Variants in TOMM70 observed in about 807,000 individuals in gnomAD.
The protein encoded by TOMM70 is translocase of outer mitochondrial membrane 70.
A neutral mutation model predicts 73.6 loss-of-function variants in TOMM70; 13 were observed. That is an observed-to-expected ratio of 0.18 (90% CI 0.11 to 0.28). The LOEUF is 0.28. Among genes scored for constraint, TOMM70 ranks in the 10% least tolerant of loss-of-function variants. TOMM70 has a pLI of 1.00. For synonymous variants in TOMM70, 257 were observed against 271.2 expected (o/e 0.95, Z 0.51); for missense variants, 609 against 747.5 (o/e 0.81, Z 2.16).
chr3:100,373,698 T>C, intron 7 of TOMM70, 53 bp from the exon 8 acceptor site: 2 of 1,243,330 alleles, frequency 1.6e-6, no homozygotes, highest in South Asian at 2.5e-5. Flanking sequence ...GTTAAGTATG[T>C]TCAGTGTCTC....
At position 100,401,014 on chromosome 3, in the gene TOMM70, G is replaced by A. The variant is rs1170374666; in HGVS notation, c.-65C>T. The A allele has an allele frequency of 4.1e-6, 6 of 1,465,620 alleles. No homozygotes were observed. Among genetic ancestry groups the A allele is most frequent in the Admixed American group, 2.0e-5 (1 of 49,352 alleles). The allele number at this position is 1,465,620 out of a possible 1,614,324, so 90.8% of individuals were successfully genotyped here. On this transcript the variant is annotated 5_prime_UTR_variant, in exon 1 of 12. Transcript: ENST00000284320. ...GCGCCACAATCACCAAACAGCGTGCGAAGGAAGACCGAGGGAGGGAAGGAA... is the reference window on the plus strand; with the variant it reads ...GCGCCACAATCACCAAACAGCGTGCAAAGGAAGACCGAGGGAGGGAAGGAA...
At position 100,368,176 on chromosome 3, in the gene TOMM70, C is replaced by A; in HGVS notation, c.1551-10G>T. The A allele has an allele frequency of 6.2e-7, 1 of 1,604,076 alleles. No homozygotes were observed. The highest frequency in any genetic ancestry group is 8.5e-7 in the Non-Finnish European group (1 of 1,176,570). On this transcript the variant is annotated splice_polypyrimidine_tract_variant and intron_variant, in intron 10 of 11. Transcript: ENST00000284320. ...CTGAAGTTGAAGTAAACTGCAAATG[C>A]AAAAAAATGTCAGATGTGACCATGG...
chr3:100,377,386 T>C (rs191058826), intron 6 of TOMM70: 8 of 229,216 alleles, frequency 3.5e-5, no homozygotes, highest in Admixed American at 2.5e-4. Flanking sequence ...ACTGACAGCA[T>C]TATCTACAGA....
intron 6 of TOMM70, among the ~76,000 whole-genome samples, chr3:100,376,906 T>A (rs1370416518): frequency 1.3e-5 from 2 of 152,186 alleles, no homozygotes; most frequent in African/African-American, 2.4e-5. Context: ...ATATATCAGT[T>A]GTAATCATCA....
chr3:100,371,763 G>A (rs1485600806), intron 9 of TOMM70, among the ~76,000 whole-genome samples: 3 of 152,186 alleles, frequency 2.0e-5, no homozygotes, highest in Non-Finnish European at 2.9e-5. Context: ...GTAGGAGGAG[G>A]AGGGATGGTT....
At position 100,368,107 on chromosome 3, in the gene TOMM70, G is replaced by T; in HGVS notation, c.1610C>A (p.Ala537Asp). ...ATCACATTTATTGTCAATTTCAATAGCCTTGCTGATAAGTTCCAAACCTCT... is the reference window on the plus strand; with the variant it reads ...ATCACATTTATTGTCAATTTCAATATCCTTGCTGATAAGTTCCAAACCTCT... ...LDRGLELISKAIEIDNKCDFA... is the reference protein window; with the variant it reads ...LDRGLELISKDIEIDNKCDFA... The change falls in exon 11 of 12, where the codon GCT (alanine) becomes GAT (aspartate). Residue 537 changes from alanine (A) to aspartate (D), a missense_variant. Around this residue, in one of 2 missense-constraint regions of TOMM70, gnomAD observed 432 missense variants for 584.1 expected, o/e 0.74. Transcript: ENST00000284320. The T allele has an allele frequency of 6.2e-7, 1 of 1,613,844 alleles. No individual in the cohort carries two copies. Among genetic ancestry groups the T allele is most frequent in the Non-Finnish European group, 8.5e-7 (1 of 1,179,926 alleles).
rs1381910704 is a variant in TOMM70, at chr3:100,378,952, A to G, written c.885-1040T>C. Among the ~76,000 whole-genome samples, 5 of 152,202 alleles carry G rather than the reference A, an allele frequency of 3.3e-5. 1 individual carries two copies. The highest frequency in any genetic ancestry group is 1.2e-4 in the African/African-American group (5 of 41,454). Reference sequence around the variant, plus strand: ...AACCCGGGAGGCGGAGCTTGCAGTGAGCTGAGATCGCGCCACTACACTCCA... The same window carrying G: ...AACCCGGGAGGCGGAGCTTGCAGTGGGCTGAGATCGCGCCACTACACTCCA... On this transcript the variant is annotated intron_variant, in intron 5 of 11. Coordinates refer to ENST00000284320, the MANE Select transcript of TOMM70 (RefSeq NM_014820.5).
intron 1 of TOMM70, among the ~76,000 whole-genome samples, chr3:100,398,560 T>G (rs1393552664): frequency 6.6e-6 from 1 of 152,202 alleles, no homozygotes; most frequent in Admixed American, 6.5e-5. Flanking sequence ...CCAAAATTGA[T>G]GTAAGACAAG....
At chr3:100,394,411 CA>C (rs1706798667) in intron 1 of TOMM70, among the ~76,000 whole-genome samples, 1 of 146,984 alleles carries the variant, frequency 6.8e-6, no homozygotes, top group African/African-American at 2.6e-5. Flanking sequence ...CCCAGGGGGG[CA>C]CGATGTCCAC....
At chr3:100,378,736 G>T (rs1483529004) in intron 5 of TOMM70, among the ~76,000 whole-genome samples, 1 of 152,242 alleles carries the variant, frequency 6.6e-6, no homozygotes, top group African/African-American at 2.4e-5. Flanking sequence ...GCTGGATGCG[G>T]TGGCTCACGC....
chr3:100,378,230 A>G (rs578004694), intron 5 of TOMM70, among the ~76,000 whole-genome samples: 4 of 152,036 alleles, frequency 2.6e-5, no homozygotes, highest in Admixed American at 1.3e-4. Flanking sequence ...GAGACAGAGC[A>G]AGACTCCATC....
rs111917289 is a variant in TOMM70, at chr3:100,396,033, T to A, written c.324+4593A>T. On this transcript the variant is annotated intron_variant, in intron 1 of 11. Transcript: ENST00000284320. ...TATCAGGTTTTTTTTTTTTTTTTTT[T>A]AAATCAGGAAAATGGAGTACCTCAG... Among the ~76,000 whole-genome samples the A allele has an allele frequency of 6.9e-3, 863 of 125,226 alleles. 5 individuals are homozygous for A. The highest frequency in any genetic ancestry group is 0.024 in the African/African-American group (801 of 32,740). 82.2% of individuals were successfully genotyped at this position (125,226 alleles called of 152,430 possible). A position where few individuals can be genotyped will look rare whatever the true frequency, so the allele number is the denominator to read the frequency against.
intron 1 of TOMM70, among the ~76,000 whole-genome samples, chr3:100,396,639 A>G (rs1324539537): frequency 6.6e-6 from 1 of 152,220 alleles, no homozygotes; most frequent in African/African-American, 2.4e-5. Flanking sequence ...TCTTCTAAAA[A>G]GCCTTGCAAT....
At chr3:100,367,282 A>T (rs558734462) in intron 11 of TOMM70, among the ~76,000 whole-genome samples, 2 of 150,642 alleles carry the variant, frequency 1.3e-5, no homozygotes, top group African/African-American at 4.9e-5. Context: ...AAGAAACACA[A>T]TTTTTTTTTT....
intron 4 of TOMM70, among the ~76,000 whole-genome samples, chr3:100,383,522 C>CAAAAA (rs61429707): frequency 1.5e-5 from 2 of 136,652 alleles, no homozygotes. Context: ...AAAAAACAAA[C>CAAAAA]AAAAAAAAAA....
At chr3:100,371,931 CCT>C (rs1048369710) in intron 9 of TOMM70, 3 of 152,144 alleles carry the variant, frequency 2.0e-5, no homozygotes, top group Non-Finnish European at 4.4e-5. Flanking sequence ...CAGCTGTACC[CCT>C]GATATAGAGT....
chr3:100,385,705 A>G (rs1706682648), intron 3 of TOMM70, among the ~76,000 whole-genome samples: 1 of 152,218 alleles, frequency 6.6e-6, no homozygotes, highest in Non-Finnish European at 1.5e-5. Context: ...TACCAATTAC[A>G]TCATTTCCAA....
chr3:100,369,498 A>ATT (rs11327711), intron 9 of TOMM70, among the ~76,000 whole-genome samples: 17 of 137,732 alleles, frequency 1.2e-4, no homozygotes, highest in African/African-American at 1.9e-4. Flanking sequence ...GCCCAAGGGA[A>ATT]TTTTTTTTTT....
intron 1 of TOMM70, among the ~76,000 whole-genome samples, chr3:100,392,972 T>C (rs1204237418): frequency 6.7e-6 from 1 of 148,816 alleles, no homozygotes; most frequent in Admixed American, 6.7e-5. Flanking sequence ...AGGTCAGGAG[T>C]TCAAGACCAG....
Sources: allele counts gnomAD v4.1 joint callset (sites outside exome capture counted in the v4.1 genomes callset), GRCh38; gene constraint gnomAD v4.1.1; regional missense constraint gnomAD v4.1.1; transcripts MANE v1.5; gene names NCBI Gene and HGNC (gene_info 2026-07-23, HGNC 2026-07-21).